Variants in IQCM observed in about 807,000 individuals in gnomAD.
IQCM encodes the protein IQ domain-containing protein M.
A neutral mutation model predicts 57.6 loss-of-function variants in IQCM; 45 were observed. That is an observed-to-expected ratio of 0.78 (90% CI 0.62 to 1.00). The LOEUF (loss-of-function observed/expected upper bound fraction) is 1.00, where lower values mean the gene tolerates loss of function less well. Among genes scored for constraint, IQCM ranks in the 50% least tolerant of loss-of-function variants. The pLI is 0.00. For missense variants in IQCM, 468 were observed against 511.6 expected, an observed-to-expected ratio of 0.91 and a Z score of 0.82; for synonymous variants, 148 against 158.9, an observed-to-expected ratio of 0.93 and a Z score of 0.51.
intron 5 of IQCM, among the ~76,000 whole-genome samples, chr4:149,694,625 G>A (rs935323959): frequency 7.2e-5 from 11 of 152,014 alleles, no homozygotes; most frequent in East Asian, 3.9e-4. Context: ...CTGAACCAAT[G>A]TATTACTGGA....
intron 2 of IQCM, among the ~76,000 whole-genome samples, chr4:149,795,200 C>T (rs1455272482): frequency 6.6e-6 from 1 of 152,114 alleles, no homozygotes; most frequent in African/African-American, 2.4e-5. Context: ...CATGTTTAAA[C>T]AGGGCATAGA....
intron 8 of IQCM, among the ~76,000 whole-genome samples, chr4:149,590,672 A>G (rs1380536734): frequency 1.3e-5 from 2 of 151,274 alleles, no homozygotes; most frequent in African/African-American, 4.9e-5. Flanking sequence ...TCATTGTTCA[A>G]CTCCCACTTA....
At chr4:149,570,190 T>G (rs1579528361) in intron 9 of IQCM, among the ~76,000 whole-genome samples, 1 of 152,234 alleles carries the variant, frequency 6.6e-6, no homozygotes, top group East Asian at 1.9e-4. Context: ...TTTACTGAGT[T>G]CATTATAGAA....
chr4:149,391,019 G>A (rs1468591620), intron 13 of IQCM, among the ~76,000 whole-genome samples: 1 of 151,850 alleles, frequency 6.6e-6, no homozygotes, highest in African/African-American at 2.4e-5. Flanking sequence ...TGTGATACTG[G>A]CATGAGGATA....
At chr4:149,805,546 T>C (rs1773996998) in intron 2 of IQCM, among the ~76,000 whole-genome samples, 1 of 152,104 alleles carries the variant, frequency 6.6e-6, no homozygotes, top group Non-Finnish European at 1.5e-5. Context: ...GATATTTTTA[T>C]GTGTCACTCT....
At chr4:149,622,524 T>C (rs1345572110) in intron 7 of IQCM, among the ~76,000 whole-genome samples, 2 of 152,068 alleles carry the variant, frequency 1.3e-5, no homozygotes, top group Admixed American at 1.3e-4. Flanking sequence ...TTGTATTTTT[T>C]AGTAGAGACG....
intron 12 of IQCM, among the ~76,000 whole-genome samples, chr4:149,501,846 A>G (rs1344707426): frequency 6.6e-6 from 1 of 152,046 alleles, no homozygotes; most frequent in African/African-American, 2.4e-5. Context: ...TGAATGGAGC[A>G]GCAGCAGATC....
At chr4:149,369,777 C>T (rs528407892) in intron 13 of IQCM, among the ~76,000 whole-genome samples, 1 of 152,240 alleles carries the variant, frequency 6.6e-6, no homozygotes, top group South Asian at 2.1e-4. Flanking sequence ...TAATTGAAAT[C>T]CAAATTATCT....
At chr4:149,732,182 T>C (rs759168268) in intron 5 of IQCM, among the ~76,000 whole-genome samples, 1 of 152,204 alleles carries the variant, frequency 6.6e-6, no homozygotes, top group Non-Finnish European at 1.5e-5. Flanking sequence ...GTTCAAATTC[T>C]AGGTCTACTA....
chr4:149,639,378 A>G (rs992095031), intron 7 of IQCM, among the ~76,000 whole-genome samples: 2 of 150,392 alleles, frequency 1.3e-5, no homozygotes, highest in Non-Finnish European at 3.0e-5. Flanking sequence ...GTGAGCTATG[A>G]TCGTGCCGCT....
At chr4:149,512,652 C>A (rs1744546831) in intron 12 of IQCM, among the ~76,000 whole-genome samples, 1 of 152,114 alleles carries the variant, frequency 6.6e-6, no homozygotes, top group Admixed American at 6.6e-5. Flanking sequence ...ACTTATGACC[C>A]AGCAGCTCAT....
intron 12 of IQCM, among the ~76,000 whole-genome samples, chr4:149,530,094 C>A (rs1460419492): frequency 6.6e-6 from 1 of 152,074 alleles, no homozygotes; most frequent in African/African-American, 2.4e-5. Context: ...ATGGTCCCTG[C>A]TCAAACACCA....
intron 5 of IQCM, among the ~76,000 whole-genome samples, chr4:149,717,084 T>C (rs1225069984): frequency 6.6e-6 from 1 of 152,198 alleles, no homozygotes; most frequent in Non-Finnish European, 1.5e-5. Flanking sequence ...TTATATCCTT[T>C]ATCAACAAAT....
intron 2 of IQCM, among the ~76,000 whole-genome samples, chr4:149,803,021 C>T (rs1369674501): frequency 6.6e-6 from 1 of 151,806 alleles, no homozygotes; most frequent in Non-Finnish European, 1.5e-5. Context: ...TATGATTAGC[C>T]CAATTTTATA....
At chr4:149,770,630 A>G (rs1770484830) in intron 2 of IQCM, among the ~76,000 whole-genome samples, 1 of 152,096 alleles carries the variant, frequency 6.6e-6, no homozygotes, top group African/African-American at 2.4e-5. Context: ...ATAAAATATA[A>G]TGAATGTAAT....
intron 13 of IQCM, among the ~76,000 whole-genome samples, chr4:149,421,757 C>A (rs546008137): frequency 9.9e-5 from 15 of 151,848 alleles, no homozygotes; most frequent in African/African-American, 3.6e-4. Context: ...AAATTTTAAA[C>A]GCTTTAAGGA....
chr4:149,782,265 C>G (rs1771672515), intron 2 of IQCM, among the ~76,000 whole-genome samples: 1 of 151,790 alleles, frequency 6.6e-6, no homozygotes, highest in South Asian at 2.1e-4. Flanking sequence ...TGGAAACAAT[C>G]ATTGCACAGA....
intron 12 of IQCM, among the ~76,000 whole-genome samples, chr4:149,441,809 T>G (rs894978295): frequency 2.6e-5 from 4 of 152,172 alleles, no homozygotes; most frequent in Non-Finnish European, 4.4e-5. Context: ...AAAATTCAGC[T>G]TGACATTTAG....
At chr4:149,452,624 A>G (rs1473511668) in intron 12 of IQCM, among the ~76,000 whole-genome samples, 1 of 151,678 alleles carries the variant, frequency 6.6e-6, no homozygotes, top group African/African-American at 2.4e-5. Flanking sequence ...AAAGCTGTAC[A>G]AAATTAGTGT....
Sources: allele counts gnomAD v4.1 joint callset (sites outside exome capture counted in the v4.1 genomes callset), GRCh38; gene constraint gnomAD v4.1.1; transcripts MANE v1.5; gene names NCBI Gene and HGNC (gene_info 2026-07-23, HGNC 2026-07-21).